Variants in ANO6 observed in about 807,000 individuals in gnomAD.
ANO6 encodes the protein anoctamin-6.
ANO6 carries 106 observed loss-of-function variants against 117.5 expected under a neutral mutation model. That is an observed-to-expected ratio of 0.90 (90% CI 0.77 to 1.06). The LOEUF (loss-of-function observed/expected upper bound fraction) is 1.06, where lower values mean the gene tolerates loss of function less well. Ranked by LOEUF, ANO6 falls within the 50% of genes least tolerant of loss-of-function variation. ANO6 has a pLI of 0.00. For synonymous variants in ANO6, 367 were observed against 385.1 expected, an observed-to-expected ratio of 0.95 and a Z score of 0.55; for missense variants, 955 against 1,121.1, an observed-to-expected ratio of 0.85 and a Z score of 2.12.
intron 7 of ANO6, among the ~76,000 whole-genome samples, chr12:45,351,644 G>A (rs1941283411): frequency 6.6e-6 from 1 of 152,162 alleles, no homozygotes; most frequent in African/African-American, 2.4e-5. Context: ...AGGAGCCAGT[G>A]CTTTGAGGAC....
chr12:45,238,278 G>C (rs1176821313), intron 1 of ANO6, among the ~76,000 whole-genome samples: 2 of 150,928 alleles, frequency 1.3e-5, no homozygotes, highest in Non-Finnish European at 2.9e-5. Context: ...AGTCTCCCAA[G>C]TAGCTGGGAT....
intron 12 of ANO6, among the ~76,000 whole-genome samples, chr12:45,396,380 A>G (rs1243896876): frequency 6.6e-6 from 1 of 152,238 alleles, no homozygotes; most frequent in African/African-American, 2.4e-5. Flanking sequence ...ACACTCATGG[A>G]TAAGAAGAAT....
intron 1 of ANO6, among the ~76,000 whole-genome samples, chr12:45,230,274 G>C (rs1343652094): frequency 2.0e-5 from 3 of 152,060 alleles, no homozygotes; most frequent in Non-Finnish European, 4.4e-5. Flanking sequence ...AAAAGATAAT[G>C]ATTATTGAAG....
intron 1 of ANO6, among the ~76,000 whole-genome samples, chr12:45,271,328 T>C (rs1163766902): frequency 2.0e-5 from 3 of 152,168 alleles, no homozygotes; most frequent in African/African-American, 7.2e-5. Context: ...TAAATATACA[T>C]TTTAAGGACT....
At chr12:45,233,553 A>G (rs79662606) in intron 1 of ANO6, among the ~76,000 whole-genome samples, 2,291 of 152,324 alleles carry the variant, frequency 0.015, 44 homozygotes, top group East Asian at 0.068. Context: ...GAGATCAAGT[A>G]TAAGAAATAT....
chr12:45,227,005 T>G (rs945106642), intron 1 of ANO6, among the ~76,000 whole-genome samples: 3 of 143,032 alleles, frequency 2.1e-5, no homozygotes, highest in Non-Finnish European at 4.5e-5. Context: ...TTTTTTTTTT[T>G]GAAGATGGAG....
chr12:45,313,953 A>G (rs1939931128), intron 2 of ANO6, among the ~76,000 whole-genome samples: 1 of 152,080 alleles, frequency 6.6e-6, no homozygotes, highest in Non-Finnish European at 1.5e-5. Flanking sequence ...AAAGCAGTCT[A>G]TCTCAACTTT....
intron 1 of ANO6, among the ~76,000 whole-genome samples, chr12:45,295,668 C>A (rs1221341376): frequency 6.6e-6 from 1 of 152,044 alleles, no homozygotes; most frequent in Non-Finnish European, 1.5e-5. Flanking sequence ...TCAAGCAATT[C>A]TCCTGCCTCA....
intron 16 of ANO6, among the ~76,000 whole-genome samples, chr12:45,411,206 A>G (rs913851152): frequency 6.6e-6 from 1 of 152,326 alleles, no homozygotes; most frequent in Admixed American, 6.5e-5. Context: ...AGGGAAAGTT[A>G]TATGGTCATG....
intron 16 of ANO6, among the ~76,000 whole-genome samples, chr12:45,411,178 CAAAT>C (rs1943077415): frequency 6.6e-6 from 1 of 152,120 alleles, no homozygotes; most frequent in Admixed American, 6.5e-5. Flanking sequence ...GTTGATTAGT[CAAAT>C]AAATGACATC....
At position 45,216,366 on chromosome 12, in the gene ANO6, G is replaced by C. The variant is rs763167975; in HGVS notation, c.45G>C (p.Glu15Asp). The stretch of plus-strand genomic sequence containing the variant: ...ATGTTTTGCTACAAATGGAGGAGGA[G>C]GAGGACGACGACGATGGGGATATCG... ...SRNVLLQMEE[E>D]EDDDDGDIVL... Residue 15 changes from glutamate (E) to aspartate (D), a missense_variant, in exon 1 of 20, where the codon GAG becomes GAC. Physicochemically the swap from Glu to Asp is conservative, Grantham distance 45 (BLOSUM62 2). Coordinates refer to ENST00000320560, the MANE Select transcript of ANO6 (RefSeq NM_001025356.3). The C allele has an allele frequency of 6.2e-7, 1 of 1,613,080 alleles. No individual in the cohort carries two copies. The highest frequency in any genetic ancestry group is 2.2e-5 in the East Asian group (1 of 44,832).
chr12:45,325,140 T>C (rs1297013701), intron 2 of ANO6, among the ~76,000 whole-genome samples: 1 of 152,216 alleles, frequency 6.6e-6, no homozygotes, highest in Admixed American at 6.5e-5. Flanking sequence ...TTAAAGTTTG[T>C]GGATAGAATA....
At chr12:45,310,483 A>G (rs1939813399) in intron 2 of ANO6, among the ~76,000 whole-genome samples, 1 of 152,068 alleles carries the variant, frequency 6.6e-6, no homozygotes. Flanking sequence ...GTTATGTGAG[A>G]TGATGAAGAA....
At chr12:45,437,638 C>T (rs917803075) in intron 19 of ANO6, among the ~76,000 whole-genome samples, 23 of 152,104 alleles carry the variant, frequency 1.5e-4, no homozygotes, top group African/African-American at 5.1e-4. Flanking sequence ...GGCGCAATCT[C>T]GGCTCATTGC....
intron 1 of ANO6, among the ~76,000 whole-genome samples, chr12:45,252,562 A>G (rs1316632771): frequency 2.0e-5 from 3 of 152,116 alleles, no homozygotes; most frequent in Admixed American, 2.0e-4. Context: ...TTCTTAGGGT[A>G]CATGCTAAAA....
rs746237936 is a variant in ANO6, at chr12:45,421,090, C to T, written c.2237C>T (p.Thr746Met). 1.3e-5 allele frequency: 21 copies of T among 1,614,054 alleles called. No homozygotes were observed. Among genetic ancestry groups the T allele is most frequent in the South Asian group, 4.4e-5 (4 of 91,080 alleles). The change falls in exon 18 of 20, where the codon ACG (threonine) becomes ATG (methionine). Residue 746 changes from threonine (T) to methionine (M), a missense_variant. Thr to Met is a moderately conservative substitution (Grantham distance 81). Transcript: ENST00000320560. ...VVTNAMIIAFTSDMIPRLVYY... is the reference protein window; with the variant it reads ...VVTNAMIIAFMSDMIPRLVYY... The stretch of plus-strand genomic sequence containing the variant: ...AAATAGGCCATGATCATAGCTTTCA[C>T]GTCGGACATGATCCCCCGCCTAGTG...
At chr12:45,238,619 G>A (rs567892474) in intron 1 of ANO6, among the ~76,000 whole-genome samples, 69 of 152,200 alleles carry the variant, frequency 4.5e-4, no homozygotes, top group Admixed American at 9.8e-4. Flanking sequence ...GTCTTGTGCC[G>A]GTTTTCAAAG....
intron 1 of ANO6, among the ~76,000 whole-genome samples, chr12:45,268,645 C>T (rs1449160981): frequency 6.6e-6 from 1 of 152,126 alleles, no homozygotes; most frequent in African/African-American, 2.4e-5. Context: ...CTTTGTTTTT[C>T]ACCTTCCTGT....
chr12:45,431,043 A>G lies in ANO6; in HGVS notation c.*1732A>G. On this transcript the variant is annotated 3_prime_UTR_variant, in exon 20 of 20. Coordinates refer to ENST00000320560, the MANE Select transcript of ANO6 (RefSeq NM_001025356.3). ...GATTGATTTCAAATGCCTGCCATGA[A>G]TGATTTGTAAGTAATTATGTAGGAT... is the stretch of plus-strand genomic sequence containing the variant. 1 of 985,406 alleles carries G rather than the reference A, an allele frequency of 1.0e-6. No homozygotes were observed. Among genetic ancestry groups the G allele is most frequent in the Non-Finnish European group, 1.2e-6 (1 of 829,936 alleles). 61.0% of individuals were successfully genotyped at this position (985,406 alleles called of 1,614,324 possible). A position where few individuals can be genotyped will look rare whatever the true frequency, so the allele number is the denominator to read the frequency against.
Sources: gnomAD v4.1 joint callset for allele counts (sites outside exome capture counted in the v4.1 genomes callset) on GRCh38, gnomAD v4.1.1 for gene constraint, MANE v1.5 for transcripts, NCBI Gene and HGNC (gene_info 2026-07-23, HGNC 2026-07-21) for gene names.